CMTM4: variants seen among roughly 807,000 people sequenced by gnomAD.
CMTM4 encodes CKLF like MARVEL transmembrane domain containing 4, also known as CKLF-like MARVEL transmembrane domain-containing protein 4.
In CMTM4, 8 loss-of-function variants were observed where a neutral mutation model predicts 19.0. The observed-to-expected ratio is 0.42, with a 90% CI of 0.25 to 0.76. CMTM4 has a LOEUF of 0.76. Ranked by LOEUF, CMTM4 falls within the 30% of genes least tolerant of loss-of-function variation. The pLI is 0.27. For synonymous variants in CMTM4, 106 were observed against 121.1 expected (o/e 0.88, Z 0.82); for missense variants, 228 against 290.2 (o/e 0.79, Z 1.56).
chr16:66,629,210 G>A lies in CMTM4; in HGVS notation c.364-5708C>T, dbSNP rs189088461. 3.7e-3 allele frequency among the ~76,000 whole-genome samples: 557 copies of A among 152,268 alleles called. 4 individuals carry two copies. Among genetic ancestry groups the A allele is most frequent in the Non-Finnish European group, 6.2e-3 (423 of 68,028 alleles). On this transcript the variant is annotated intron_variant, in intron 2 of 3. Coordinates refer to ENST00000394106, the MANE Select transcript of CMTM4 (RefSeq NM_181521.3). Reference sequence around the variant, plus strand: ...GGGGGCTGTCACTGCAATCCTGGTTGGCCCCCAAACCAATGTGCTAGGTGG... The same window carrying A: ...GGGGGCTGTCACTGCAATCCTGGTTAGCCCCCAAACCAATGTGCTAGGTGG...
chr16:66,682,621 A>C (rs1439777696), intron 1 of CMTM4, among the ~76,000 whole-genome samples: 1 of 152,164 alleles, frequency 6.6e-6, no homozygotes, highest in Non-Finnish European at 1.5e-5. Flanking sequence ...GTCAACAACA[A>C]AATGCTGGCT....
chr16:66,691,790 C>T (rs1022279311), intron 1 of CMTM4, among the ~76,000 whole-genome samples: 5 of 152,166 alleles, frequency 3.3e-5, no homozygotes, highest in African/African-American at 9.7e-5. Flanking sequence ...AATCACATTC[C>T]ATTAAAAATA....
At chr16:66,599,760 A>G in the CMTM4 span, among the ~76,000 whole-genome samples, 1 of 152,194 alleles carries the variant, frequency 6.6e-6, no homozygotes, top group Admixed American at 6.5e-5. Context: ...TTTTTCCAGT[A>G]TTAACTGGAG....
chr16:66,696,270 G>A lies in CMTM4; in HGVS notation c.186+70C>T. 2 of 1,135,202 alleles carry A rather than the reference G, an allele frequency of 1.8e-6. No homozygotes were observed. The highest frequency in any genetic ancestry group is 2.2e-6 in the Non-Finnish European group (2 of 892,300). The allele number at this position is 1,135,202 out of a possible 1,614,324, so 70.3% of individuals were successfully genotyped here. On this transcript the variant is annotated intron_variant, in intron 1 of 3. Coordinates refer to ENST00000394106, the MANE Select transcript of CMTM4 (RefSeq NM_181521.3). This position sits in a 1 kb window ranked among gnomAD's most constrained non-coding sequence, Gnocchi z 4.3. ...CAAGCGGGTACGCGGCGGAGGCCCC[G>A]CAGCGGGGCGGGGAGGGAGGCGTGC...
At chr16:66,633,354 G>C (rs2015920613) in intron 2 of CMTM4, among the ~76,000 whole-genome samples, 1 of 151,718 alleles carries the variant, frequency 6.6e-6, no homozygotes. Flanking sequence ...TAACCATCAG[G>C]CTGGCTCTGC....
chr16:66,618,425 T>G lies in CMTM4; in HGVS notation c.*3633A>C, dbSNP rs2015566381. ...AGAATCACTAAATTGTTCAGGTGTC[T>G]CCATGCTCTATTCATCTCCTAGGTG... On this transcript the variant is annotated 3_prime_UTR_variant, in exon 4 of 4. Coordinates refer to ENST00000394106, the MANE Select transcript of CMTM4 (RefSeq NM_181521.3). 2.0e-6 allele frequency: 2 copies of G among 985,442 alleles called. No individual in the cohort carries two copies. Among genetic ancestry groups the G allele is most frequent in the Non-Finnish European group, 2.4e-6 (2 of 829,944 alleles). 61.0% of individuals were successfully genotyped at this position (985,442 alleles called of 1,614,324 possible).
rs2015623738 is a variant in CMTM4 at position 66,621,026 on chromosome 16, G to A, written c.*1032C>T. 2 of 985,766 alleles carry A rather than the reference G, an allele frequency of 2.0e-6. No homozygotes were observed. Among genetic ancestry groups the A allele is most frequent in the Admixed American group, 6.1e-5 (1 of 16,274 alleles). 61.1% of individuals were successfully genotyped at this position (985,766 alleles called of 1,614,324 possible). ...AATTAGTGCCTTCTGAAACATGGGT[G>A]GAAGGGTGTGTTCTGGTGCAAATTC... On this transcript the variant is annotated 3_prime_UTR_variant, in exon 4 of 4. Coordinates refer to ENST00000394106, the MANE Select transcript of CMTM4 (RefSeq NM_181521.3).
the CMTM4 span, among the ~76,000 whole-genome samples, chr16:66,599,422 C>T: frequency 2.6e-5 from 4 of 152,068 alleles, no homozygotes; most frequent in Non-Finnish European, 1.5e-5. Flanking sequence ...AAGGTCAAGA[C>T]ACTTTTTCTT....
intron 1 of CMTM4, among the ~76,000 whole-genome samples, chr16:66,661,789 C>T (rs905247787): frequency 7.2e-5 from 11 of 152,044 alleles, no homozygotes; most frequent in African/African-American, 2.7e-4. Flanking sequence ...AAAAATTAGC[C>T]GGGCATAGTG....
chr16:66,670,616 A>C (rs1002074761), intron 1 of CMTM4, among the ~76,000 whole-genome samples: 2 of 152,062 alleles, frequency 1.3e-5, no homozygotes, highest in African/African-American at 4.8e-5. Context: ...CCTGGCCAAC[A>C]TGGTGAAACC....
At chr16:66,630,772 T>A (rs1257639758) in intron 2 of CMTM4, among the ~76,000 whole-genome samples, 3 of 151,704 alleles carry the variant, frequency 2.0e-5, no homozygotes, top group African/African-American at 7.3e-5. Context: ...GTCTGGGATG[T>A]GAGGAGCCCC....
At chr16:66,663,973 C>CT (rs2016547139) in intron 1 of CMTM4, among the ~76,000 whole-genome samples, 1 of 152,136 alleles carries the variant, frequency 6.6e-6, no homozygotes, top group Non-Finnish European at 1.5e-5. Context: ...TGGCACATGC[C>CT]TGTAATCCTA....
chr16:66,612,600 T>C, downstream of CMTM4: 1 of 1,613,944 alleles, frequency 6.2e-7, no homozygotes. This position sits in a 1 kb window ranked among gnomAD's most constrained non-coding sequence, Gnocchi z 6.0. Context: ...CTCTCTGCTT[T>C]CCTTTCAGAA....
chr16:66,631,930 AAAAAT>A (rs553839103), intron 2 of CMTM4, among the ~76,000 whole-genome samples: 28 of 152,120 alleles, frequency 1.8e-4, no homozygotes, highest in Non-Finnish European at 3.7e-4. Context: ...TGATCAATAA[AAAAAT>A]AAAATAAAAT....
chr16:66,658,861 C>T (rs1403203912), intron 1 of CMTM4, among the ~76,000 whole-genome samples: 4 of 152,156 alleles, frequency 2.6e-5, no homozygotes, highest in African/African-American at 4.8e-5. Context: ...CTATTAAAGC[C>T]ACCGATGCGG....
chr16:66,640,828 A>G (rs1191988279), intron 1 of CMTM4, among the ~76,000 whole-genome samples: 1 of 152,116 alleles, frequency 6.6e-6, no homozygotes, highest in East Asian at 1.9e-4. Context: ...AGGGTACTCA[A>G]GCAGCCCTAT....
At chr16:66,689,078 T>C (rs1337281501) in intron 1 of CMTM4, among the ~76,000 whole-genome samples, 6 of 152,224 alleles carry the variant, frequency 3.9e-5, no homozygotes, top group African/African-American at 4.8e-5. Context: ...TCATGCCATA[T>C]GCGAATAGGG....
chr16:66,686,338 C>T (rs1242816712), intron 1 of CMTM4, among the ~76,000 whole-genome samples: 1 of 151,142 alleles, frequency 6.6e-6, no homozygotes, highest in Non-Finnish European at 1.5e-5. Flanking sequence ...AAGATGAGCA[C>T]ATCACTTGAG....
intron 1 of CMTM4, among the ~76,000 whole-genome samples, chr16:66,671,144 G>C (rs938099260): frequency 6.6e-6 from 1 of 152,170 alleles, no homozygotes. Flanking sequence ...TTGACTGTAA[G>C]CTCCTTGACG....
Sources: allele counts gnomAD v4.1 joint callset (sites outside exome capture counted in the v4.1 genomes callset), GRCh38; gene constraint gnomAD v4.1.1; non-coding constraint Gnocchi (gnomAD v3.1); transcripts MANE v1.5; gene names NCBI Gene and HGNC (gene_info 2026-07-23, HGNC 2026-07-21).